PDPR: variants seen among roughly 807,000 people sequenced by gnomAD.
The protein encoded by PDPR is pyruvate dehydrogenase phosphatase regulatory subunit, mitochondrial.
PDPR carries 50 observed loss-of-function variants against 102.2 expected under a neutral mutation model. That is an observed-to-expected ratio of 0.49 (90% CI 0.39 to 0.62). PDPR has a LOEUF of 0.62. Ranked by LOEUF, PDPR falls within the 20% of genes least tolerant of loss-of-function variation. PDPR has a pLI of 0.00. For missense variants in PDPR, 625 were observed against 1,098.2 expected, an observed-to-expected ratio of 0.57 and a Z score of 6.09; for synonymous variants, 259 against 406.0, an observed-to-expected ratio of 0.64 and a Z score of 4.35.
At chr16:70,154,372 G>A (rs1247674377) in intron 18 of PDPR, among the ~76,000 whole-genome samples, 1 of 152,254 alleles carries the variant, frequency 6.6e-6, no homozygotes, top group Non-Finnish European at 1.5e-5. Flanking sequence ...GGTCAGGTGC[G>A]GTGGCTCACA....
chr16:70,154,421 A>G (rs907881255), intron 18 of PDPR, among the ~76,000 whole-genome samples: 1 of 152,276 alleles, frequency 6.6e-6, no homozygotes, highest in Non-Finnish European at 1.5e-5. Flanking sequence ...AGGCAGGAGG[A>G]TCACTTGAGC....
chr16:70,131,744 A>C, intron 8 of PDPR: 1 of 984,376 alleles, frequency 1.0e-6, no homozygotes. Context: ...ATAGGTAAAC[A>C]ATAGACTTAG....
chr16:70,157,569 T>C lies in PDPR; in HGVS notation c.*690T>C, dbSNP rs994610121. 1 of 195,576 alleles carries C rather than the reference T, an allele frequency of 5.1e-6. No homozygotes were observed. Among genetic ancestry groups the C allele is most frequent in the East Asian group, 1.4e-4 (1 of 7,112 alleles). The allele number at this position is 195,576 out of a possible 1,614,324, so 12.1% of individuals were successfully genotyped here. On this transcript the variant is annotated 3_prime_UTR_variant, in exon 19 of 19. Coordinates refer to ENST00000288050, the MANE Select transcript of PDPR (RefSeq NM_017990.5). ...GGGCCAGGGCAGCCTCCCTATAATT[T>C]TCTTCATCTCTTGCTAATCTCTATA... is the stretch of plus-strand genomic sequence containing the variant.
At chr16:70,124,223 C>T (rs555423870) in intron 3 of PDPR, among the ~76,000 whole-genome samples, 3 of 152,260 alleles carry the variant, frequency 2.0e-5, no homozygotes, top group East Asian at 1.9e-4. Flanking sequence ...ATTAGCTGGG[C>T]GTGGTGGCAT....
At position 70,114,459 on chromosome 16, in the gene PDPR, G is replaced by C. The variant is rs1254873231; in HGVS notation, c.-143+19G>C. 6.6e-6 allele frequency: 1 copy of C among 152,196 alleles called. No individual in the cohort carries two copies. The highest frequency in any genetic ancestry group is 2.1e-4 in the South Asian group (1 of 4,834). The allele number at this position is 152,196 out of a possible 1,614,324, so 9.4% of individuals were successfully genotyped here. A position where few individuals can be genotyped will look rare whatever the true frequency, so the allele number is the denominator to read the frequency against. On this transcript the variant is annotated intron_variant, in intron 1 of 18. Coordinates refer to ENST00000288050, the MANE Select transcript of PDPR (RefSeq NM_017990.5). ...CGGTGAGGTAAGGAGATAGCTTCGGGGCAACTCTGGCCTCCCCGTCCGCGC... is the reference window on the plus strand; with the variant it reads ...CGGTGAGGTAAGGAGATAGCTTCGGCGCAACTCTGGCCTCCCCGTCCGCGC...
At chr16:70,125,394 A>AAAAAG (rs1963833596) in intron 3 of PDPR, among the ~76,000 whole-genome samples, 1 of 150,458 alleles carries the variant, frequency 6.6e-6, no homozygotes, top group Non-Finnish European at 1.5e-5. Context: ...AAACAAACAA[A>AAAAAG]AAAACAAAAA....
chr16:70,124,545 C>T (rs1963723091), intron 3 of PDPR, among the ~76,000 whole-genome samples: 1 of 152,268 alleles, frequency 6.6e-6, no homozygotes, highest in Non-Finnish European at 1.5e-5. Context: ...CCAGACCTCT[C>T]CCCAGAACAA....
At chr16:70,132,819 T>TG (rs1555524183) in intron 9 of PDPR, among the ~76,000 whole-genome samples, 2 of 151,682 alleles carry the variant, frequency 1.3e-5, no homozygotes, top group Admixed American at 6.6e-5. Flanking sequence ...CTCTATCATT[T>TG]TGTGTGTGTG....
chr16:70,145,220 C>A (rs1460911721), intron 15 of PDPR, among the ~76,000 whole-genome samples: 1 of 152,220 alleles, frequency 6.6e-6, no homozygotes, highest in African/African-American at 2.4e-5. Flanking sequence ...GCCATTGCAC[C>A]TCCACCTCCC....
At chr16:70,141,816 TG>T in intron 11 of PDPR, among the ~76,000 whole-genome samples, 1 of 152,366 alleles carries the variant, frequency 6.6e-6, no homozygotes, top group South Asian at 2.1e-4. Context: ...GCCTGGAAAT[TG>T]GGCCGGGCAG....
Position 70,148,556 on chromosome 16 carries a change from G to A in PDPR, c.2052+3G>A, listed in dbSNP as rs768750728. The stretch of plus-strand genomic sequence containing the variant: ...TCATGCTCTACATCCCCATAGAGGT[G>A]AGAGGGCACCCTTCCCTTCCCTTCC... On this transcript the variant is annotated splice_donor_region_variant and intron_variant, in intron 17 of 18. Transcript: ENST00000288050. 8.1e-6 allele frequency: 13 copies of A among 1,609,376 alleles called. No homozygotes were observed. In the Admixed American group the frequency reaches 8.4e-5, roughly 10 times the overall value.
At chr16:70,140,556 A>C (rs1360405680) in intron 11 of PDPR, among the ~76,000 whole-genome samples, 14 of 151,704 alleles carry the variant, frequency 9.2e-5, no homozygotes, top group African/African-American at 2.9e-4. Context: ...CAGTGGCTCA[A>C]GCCTGTAATC....
In PDPR at chr16:70,157,771, G is replaced by C. The variant is rs1044216422; in HGVS notation, c.*892G>C. On this transcript the variant is annotated 3_prime_UTR_variant, in exon 19 of 19. Coordinates refer to ENST00000288050, the MANE Select transcript of PDPR (RefSeq NM_017990.5). The stretch of plus-strand genomic sequence containing the variant: ...AAACAATGCTGCTTTTCTCTCAGCT[G>C]TCCAAAGTTCAGCCGTTCCTCCTTC... The C allele has an allele frequency of 3.2e-5, 5 of 155,078 alleles. No homozygotes were observed. Among genetic ancestry groups the C allele is most frequent in the African/African-American group, 1.2e-4 (5 of 41,490 alleles). 9.6% of individuals were successfully genotyped at this position (155,078 alleles called of 1,614,324 possible).
chr16:70,122,251 T>C (rs1441895289), intron 3 of PDPR, among the ~76,000 whole-genome samples: 3 of 152,270 alleles, frequency 2.0e-5, no homozygotes, highest in Admixed American at 6.5e-5. Context: ...CCTCCCAAAG[T>C]ACTGGGATTA....
chr16:70,156,029 A>G (rs1235026619), intron 18 of PDPR, among the ~76,000 whole-genome samples: 1 of 152,206 alleles, frequency 6.6e-6, no homozygotes, highest in Non-Finnish European at 1.5e-5. Flanking sequence ...AGCTAGAACT[A>G]TAGGCACACT....
chr16:70,157,083 A>G lies in PDPR; in HGVS notation c.*204A>G. 1.3e-6 allele frequency: 1 copy of G among 763,854 alleles called. No homozygotes were observed. The highest frequency in any genetic ancestry group is 2.8e-5 in the East Asian group (1 of 35,878). 47.3% of individuals were successfully genotyped at this position (763,854 alleles called of 1,614,324 possible). A position where few individuals can be genotyped will look rare whatever the true frequency, so the allele number is the denominator to read the frequency against. On this transcript the variant is annotated 3_prime_UTR_variant, in exon 19 of 19. Transcript: ENST00000288050. ...TGCCCTTCCACCTCCTCCTCCTAATATTCACTCTGGGCTCTTCTTCCCTTC... is the reference window on the plus strand; with the variant it reads ...TGCCCTTCCACCTCCTCCTCCTAATGTTCACTCTGGGCTCTTCTTCCCTTC...
Position 70,162,148 on chromosome 16 carries a change from G to T in PDPR, c.*5269G>T. On this transcript the variant is annotated 3_prime_UTR_variant, in exon 19 of 19. Coordinates refer to ENST00000288050, the MANE Select transcript of PDPR (RefSeq NM_017990.5). ...TCCTTCTTCGGAACAATGGGCGTGG[G>T]GTAGAAAGCTCTTTCAGTGAAGGGT... 1 of 152,596 alleles carries T rather than the reference G, an allele frequency of 6.6e-6. No individual in the cohort carries two copies. The allele number at this position is 152,596 out of a possible 1,614,324, so 9.5% of individuals were successfully genotyped here.
At chr16:70,148,614 T>A in intron 17 of PDPR, 61 bp downstream of exon 17, 1 of 1,206,796 alleles carries the variant, frequency 8.3e-7, no homozygotes, top group Non-Finnish European at 1.2e-6. Context: ...TCCCTTCCCT[T>A]CCCACAACCA....
chr16:70,141,779 G>A (rs1965740453), intron 11 of PDPR, among the ~76,000 whole-genome samples: 1 of 152,254 alleles, frequency 6.6e-6, no homozygotes, highest in South Asian at 2.1e-4. Context: ...TGATACACTG[G>A]GTAATTTTGA....
Sources: allele counts gnomAD v4.1 joint callset (sites outside exome capture counted in the v4.1 genomes callset), GRCh38; gene constraint gnomAD v4.1.1; transcripts MANE v1.5; gene names NCBI Gene and HGNC (gene_info 2026-07-23, HGNC 2026-07-21).